Variants in FAM219A observed in about 807,000 individuals in gnomAD.
FAM219A encodes family with sequence similarity 219 member A, also known as protein FAM219A.
Under a neutral mutation model 23.4 loss-of-function variants are expected in FAM219A, and 7 were observed. The observed-to-expected ratio is 0.30, with a 90% CI of 0.17 to 0.56. The LOEUF is 0.56. FAM219A is among the 20% of genes least tolerant of loss of function. The pLI is 0.92. For synonymous variants in FAM219A, 93 were observed against 99.0 expected, an observed-to-expected ratio of 0.94 and a Z score of 0.36; for missense variants, 166 against 246.9, an observed-to-expected ratio of 0.67 and a Z score of 2.20.
chr9:34,452,914 A>C (rs1367652253), intron 1 of FAM219A, among the ~76,000 whole-genome samples: 27 of 152,114 alleles, frequency 1.8e-4, no homozygotes, highest in Non-Finnish European at 2.9e-5. Context: ...TAGTGCCTCA[A>C]TCTGAGTTCT....
chr9:34,457,743 G>A lies in FAM219A; in HGVS notation c.60+461C>T, dbSNP rs1402213725. Among the ~76,000 whole-genome samples, 1 of 152,140 alleles carries A rather than the reference G, an allele frequency of 6.6e-6. No individual in the cohort carries two copies. The highest frequency in any genetic ancestry group is 2.4e-5 in the African/African-American group (1 of 41,432). On this transcript the variant is annotated intron_variant, in intron 1 of 5. Transcript: ENST00000651358. The surrounding 1 kb of genome is among the most constrained non-coding windows in gnomAD (Gnocchi z 5.1). ...CTGTCCGTATATCCAGCGGACAGGC[G>A]GGCAAGCCCCTCCTCTTCTAAAAGC... is the stretch of plus-strand genomic sequence containing the variant.
intron 1 of FAM219A, among the ~76,000 whole-genome samples, chr9:34,416,322 G>A (rs868170615): frequency 2.1e-5 from 3 of 143,058 alleles, no homozygotes; most frequent in East Asian, 4.2e-4. Flanking sequence ...AAGGAAGGAA[G>A]GAAGGAAGGA....
chr9:34,418,146 T>C (rs190374281), intron 1 of FAM219A, among the ~76,000 whole-genome samples: 1 of 149,906 alleles, frequency 6.7e-6, no homozygotes, highest in Admixed American at 6.7e-5. Flanking sequence ...AAATAGCTAC[T>C]CAGGAACAGG....
intron 1 of FAM219A, among the ~76,000 whole-genome samples, chr9:34,435,362 G>A (rs546017465): frequency 8.5e-5 from 13 of 152,170 alleles, no homozygotes; most frequent in African/African-American, 2.6e-4. Flanking sequence ...GAAAGCATGA[G>A]CTCTATCACC....
At chr9:34,406,086 G>T in intron 1 of FAM219A, 122 bp from the exon 2 acceptor site, 1 of 1,044,256 alleles carries the variant, frequency 9.6e-7, no homozygotes, top group Non-Finnish European at 1.4e-6. Context: ...ACCCCTCAGA[G>T]CAGGCAGGGC....
intron 1 of FAM219A, among the ~76,000 whole-genome samples, chr9:34,452,866 C>T (rs906386717): frequency 3.9e-5 from 6 of 152,110 alleles, no homozygotes; most frequent in Non-Finnish European, 1.5e-5. Flanking sequence ...TTTGGTGCTC[C>T]TGGGCCTGGT....
chr9:34,440,402 C>T (rs1823122454), intron 1 of FAM219A, among the ~76,000 whole-genome samples: 1 of 152,072 alleles, frequency 6.6e-6, no homozygotes, highest in African/African-American at 2.4e-5. Context: ...TTGCAGTGCC[C>T]TCAGTGCATG....
At chr9:34,413,262 A>G (rs1197277619) in intron 1 of FAM219A, among the ~76,000 whole-genome samples, 1 of 152,150 alleles carries the variant, frequency 6.6e-6, no homozygotes, top group South Asian at 2.1e-4. Flanking sequence ...CCTTCCTAAA[A>G]AAAACTCATT....
intron 1 of FAM219A, among the ~76,000 whole-genome samples, chr9:34,439,570 C>T (rs1248047088): frequency 6.6e-6 from 1 of 152,028 alleles, no homozygotes; most frequent in Admixed American, 6.6e-5. Context: ...AGGGATTGTC[C>T]TCTGTGATGA....
intron 4 of FAM219A, chr9:34,402,148 T>A: frequency 9.6e-6 from 14 of 1,453,060 alleles, no homozygotes; most frequent in Non-Finnish European, 1.1e-5. Flanking sequence ...AACCATTGGA[T>A]CAGTTGTCCC....
At chr9:34,416,428 T>C (rs1255432412) in intron 1 of FAM219A, among the ~76,000 whole-genome samples, 1 of 152,000 alleles carries the variant, frequency 6.6e-6, no homozygotes, top group Non-Finnish European at 1.5e-5. Flanking sequence ...AATCAGAGAG[T>C]AGCAACTAAT....
At chr9:34,452,034 C>A (rs550292280) in intron 1 of FAM219A, among the ~76,000 whole-genome samples, 61 of 152,284 alleles carry the variant, frequency 4.0e-4, no homozygotes, top group African/African-American at 1.4e-3. Flanking sequence ...GAAACTGCAA[C>A]ATAAAGCACT....
intron 5 of FAM219A, among the ~76,000 whole-genome samples, chr9:34,401,342 C>T (rs1173540643): frequency 1.3e-5 from 2 of 152,190 alleles, no homozygotes; most frequent in East Asian, 3.8e-4. Flanking sequence ...ATTCTATGGT[C>T]AACTTCACAC....
chr9:34,410,124 G>T (rs2131939281), intron 1 of FAM219A, among the ~76,000 whole-genome samples: 1 of 152,308 alleles, frequency 6.6e-6, no homozygotes, highest in East Asian at 1.9e-4. Context: ...ACATGATTTG[G>T]GCTTGGAGCT....
intron 1 of FAM219A, among the ~76,000 whole-genome samples, chr9:34,412,997 C>T (rs1361547613): frequency 6.6e-6 from 1 of 152,040 alleles, no homozygotes; most frequent in Non-Finnish European, 1.5e-5. Flanking sequence ...TTCTAGAATT[C>T]CTTTAGAGCT....
At chr9:34,430,629 T>C (rs1588056473) in intron 1 of FAM219A, among the ~76,000 whole-genome samples, 6 of 78,748 alleles carry the variant, frequency 7.6e-5, no homozygotes, top group African/African-American at 2.5e-4. Context: ...AGAGCAAGAC[T>C]CCGTCTCAAA....
At chr9:34,439,609 T>C (rs1305183703) in intron 1 of FAM219A, among the ~76,000 whole-genome samples, 1 of 151,864 alleles carries the variant, frequency 6.6e-6, no homozygotes, top group Non-Finnish European at 1.5e-5. Context: ...AACTGAAAGA[T>C]GAGTAGGAGT....
chr9:34,433,484 C>G (rs1168112360), intron 1 of FAM219A, among the ~76,000 whole-genome samples: 2 of 152,236 alleles, frequency 1.3e-5, no homozygotes, highest in Non-Finnish European at 2.9e-5. Context: ...CTTCCTCCAA[C>G]TCATCTTGTA....
At chr9:34,421,108 C>G (rs1402558520) in intron 1 of FAM219A, among the ~76,000 whole-genome samples, 2 of 151,916 alleles carry the variant, frequency 1.3e-5, no homozygotes, top group Non-Finnish European at 2.9e-5. Flanking sequence ...GTCACTCTCA[C>G]AAGGCCTGTT....
Sources: allele counts gnomAD v4.1 joint callset (sites outside exome capture counted in the v4.1 genomes callset), GRCh38; gene constraint gnomAD v4.1.1; non-coding constraint Gnocchi (gnomAD v3.1); transcripts MANE v1.5; gene names NCBI Gene and HGNC (gene_info 2026-07-23, HGNC 2026-07-21).